ACER2: variants seen among roughly 807,000 people sequenced by gnomAD.
ACER2 encodes the protein alkaline ceramidase 2, also known as alkCDase 2.
Under a neutral mutation model 34.7 loss-of-function variants are expected in ACER2, and 26 were observed. That is an observed-to-expected ratio of 0.75 (90% CI 0.55 to 1.04). ACER2 has a LOEUF of 1.04. ACER2 is among the 50% of genes least tolerant of loss of function. The pLI is 0.00. For synonymous variants in ACER2, 138 were observed against 132.1 expected (o/e 1.04, Z -0.31); for missense variants, 352 against 340.8 (o/e 1.03, Z -0.26).
intron 1 of ACER2, among the ~76,000 whole-genome samples, chr9:19,420,577 G>T (rs1031848655): frequency 1.3e-5 from 2 of 152,182 alleles, no homozygotes; most frequent in African/African-American, 4.8e-5. Context: ...TTGCTGATGG[G>T]AATATAAAAA....
chr9:19,450,298 T>C, intron 5 of ACER2, 152 bp from the exon 6 acceptor site: 1 of 1,300,750 alleles, frequency 7.7e-7, no homozygotes, highest in East Asian at 2.6e-5. Context: ...GGATTGTTGG[T>C]AATCTTCATC....
intron 3 of ACER2, among the ~76,000 whole-genome samples, chr9:19,434,152 C>T (rs1447915173): frequency 2.0e-5 from 3 of 146,794 alleles, no homozygotes; most frequent in Non-Finnish European, 3.0e-5. Context: ...GGGGCAGAGG[C>T]GCTCCCCACA....
At chr9:19,445,970 A>G (rs531301938) in intron 4 of ACER2, among the ~76,000 whole-genome samples, 1 of 152,290 alleles carries the variant, frequency 6.6e-6, no homozygotes, top group South Asian at 2.1e-4. Context: ...AAGGAGAAAG[A>G]TTGGGAGAAG....
intron 5 of ACER2, among the ~76,000 whole-genome samples, chr9:19,449,527 A>G (rs973443220): frequency 3.3e-5 from 5 of 151,954 alleles, no homozygotes; most frequent in Admixed American, 2.6e-4. Flanking sequence ...TTTCTATAGG[A>G]TTTCTGGATT....
At chr9:19,450,335 G>C in intron 5 of ACER2, 115 bp from the exon 6 acceptor site, 1 of 1,373,796 alleles carries the variant, frequency 7.3e-7, no homozygotes, top group Non-Finnish European at 9.5e-7. Context: ...AGGCCCCTGG[G>C]CTGCAACTAC....
chr9:19,438,339 C>G (rs1831038048), intron 4 of ACER2, among the ~76,000 whole-genome samples: 1 of 152,164 alleles, frequency 6.6e-6, no homozygotes, highest in African/African-American at 2.4e-5. Flanking sequence ...GCAAGTATAG[C>G]TAAATCATCT....
At chr9:19,436,355 G>C (rs1015573597) in intron 4 of ACER2, among the ~76,000 whole-genome samples, 30 of 152,120 alleles carry the variant, frequency 2.0e-4, no homozygotes, top group Admixed American at 1.3e-3. Flanking sequence ...AGATAAATTG[G>C]AGAATATAGA....
At chr9:19,421,739 T>G (rs1186245458) in intron 1 of ACER2, among the ~76,000 whole-genome samples, 4 of 152,118 alleles carry the variant, frequency 2.6e-5, no homozygotes, top group African/African-American at 7.2e-5. Flanking sequence ...AATGGTTAGT[T>G]TTATGGTATG....
At chr9:19,434,289 C>T (rs1036790442) in intron 3 of ACER2, among the ~76,000 whole-genome samples, 1 of 150,640 alleles carries the variant, frequency 6.6e-6, no homozygotes, top group Non-Finnish European at 1.5e-5. Flanking sequence ...ACTTTCCAGA[C>T]TGGGCAGCCA....
intron 4 of ACER2, among the ~76,000 whole-genome samples, chr9:19,442,303 T>C (rs1035160414): frequency 6.6e-6 from 1 of 152,232 alleles, no homozygotes; most frequent in East Asian, 1.9e-4. Context: ...TAGAATAAGG[T>C]CCTGCTGTAC....
intron 3 of ACER2, among the ~76,000 whole-genome samples, chr9:19,431,727 A>G (rs1387460141): frequency 2.6e-5 from 4 of 152,198 alleles, no homozygotes; most frequent in Non-Finnish European, 5.9e-5. Flanking sequence ...TTCCTCTGGT[A>G]GAGGTTCAGA....
At chr9:19,414,325 C>T (rs999799414) in intron 1 of ACER2, among the ~76,000 whole-genome samples, 7 of 152,170 alleles carry the variant, frequency 4.6e-5, no homozygotes, top group African/African-American at 1.7e-4. Context: ...ACCTGCTGTC[C>T]AGAATATGTA....
At chr9:19,434,021 C>G (rs1411971936) in intron 3 of ACER2, among the ~76,000 whole-genome samples, 27 of 139,468 alleles carry the variant, frequency 1.9e-4, no homozygotes, top group African/African-American at 7.5e-4. Flanking sequence ...TCAGACGGGG[C>G]GGCTGCCGGG....
intron 1 of ACER2, among the ~76,000 whole-genome samples, chr9:19,422,691 C>CTT (rs71335427): frequency 9.7e-5 from 14 of 143,908 alleles, no homozygotes; most frequent in Admixed American, 2.8e-4. Context: ...CTTCATTAAA[C>CTT]TTTTTTTTTT....
intron 4 of ACER2, among the ~76,000 whole-genome samples, chr9:19,440,214 T>C (rs909497772): frequency 2.6e-5 from 4 of 152,204 alleles, no homozygotes; most frequent in Non-Finnish European, 5.9e-5. Flanking sequence ...CACATCCTCC[T>C]GGCTTTCCCA....
At chr9:19,444,369 G>A (rs1400156524) in intron 4 of ACER2, among the ~76,000 whole-genome samples, 1 of 151,672 alleles carries the variant, frequency 6.6e-6, no homozygotes, top group Non-Finnish European at 1.5e-5. Context: ...CCGCCACCAC[G>A]CCCGACTAAT....
intron 1 of ACER2, among the ~76,000 whole-genome samples, chr9:19,420,747 A>G (rs1830380093): frequency 6.6e-6 from 1 of 152,192 alleles, no homozygotes. Flanking sequence ...AGAGGCTGGA[A>G]GGTCCAAGAT....
intron 4 of ACER2, among the ~76,000 whole-genome samples, chr9:19,444,368 C>A (rs927457181): frequency 5.3e-5 from 8 of 151,846 alleles, no homozygotes; most frequent in Non-Finnish European, 1.0e-4. Flanking sequence ...CCCGCCACCA[C>A]GCCCGACTAA....
intron 5 of ACER2, among the ~76,000 whole-genome samples, chr9:19,446,855 T>C (rs10757060): frequency 0.5 from 75,890 of 151,834 alleles, 20,123 homozygotes; most frequent in African/African-American, 0.67. Flanking sequence ...GGGGCCGCAC[T>C]GGCCATTTAG....
Sources: allele counts gnomAD v4.1 joint callset (sites outside exome capture counted in the v4.1 genomes callset), GRCh38; gene constraint gnomAD v4.1.1; transcripts MANE v1.5; gene names NCBI Gene and HGNC (gene_info 2026-07-23, HGNC 2026-07-21).